The following UBE2G1 variants were observed in gnomAD, a reference collection of about 807,000 sequenced individuals.
The protein encoded by UBE2G1 is ubiquitin conjugating enzyme E2 G1, also known as ubiquitin-conjugating enzyme E2 G1.
Under a neutral mutation model 22.7 loss-of-function variants are expected in UBE2G1, and 5 were observed. The observed-to-expected ratio is 0.22, with a 90% CI of 0.12 to 0.46. UBE2G1 has a LOEUF of 0.46. Among genes scored for constraint, UBE2G1 ranks in the 20% least tolerant of loss-of-function variants. The pLI, the probability that UBE2G1 is intolerant of heterozygous loss-of-function variation, is 0.99. For synonymous variants in UBE2G1, 74 were observed against 67.5 expected (o/e 1.10, Z -0.47); for missense variants, 88 against 203.9 (o/e 0.43, Z 3.46).
At position 4,269,772 on chromosome 17, in the gene UBE2G1, C is replaced by G. The variant is rs1022038287; in HGVS notation, c.*2782G>C. The G allele has an allele frequency of 5.4e-6, 1 of 186,130 alleles. No individual in the cohort carries two copies. Among genetic ancestry groups the G allele is most frequent in the Non-Finnish European group, 1.1e-5 (1 of 88,688 alleles). The allele number at this position is 186,130 out of a possible 1,614,324, so 11.5% of individuals were successfully genotyped here. A position where few individuals can be genotyped will look rare whatever the true frequency, so the allele number is the denominator to read the frequency against. ...GAGAACTTGGAATAAATTTAGGAAACAGCCAACAGTTCTACAATCCATAAG... is the reference window on the plus strand; with the variant it reads ...GAGAACTTGGAATAAATTTAGGAAAGAGCCAACAGTTCTACAATCCATAAG... On this transcript the variant is annotated 3_prime_UTR_variant, in exon 6 of 6. Transcript: ENST00000396981.
intron 1 of UBE2G1, among the ~76,000 whole-genome samples, chr17:4,361,903 C>T (rs1969972874): frequency 7.0e-6 from 1 of 143,724 alleles, no homozygotes; most frequent in South Asian, 2.2e-4. Context: ...GATCGTGCCA[C>T]TGCATTCCAG....
chr17:4,353,091 G>A (rs1336638624), intron 1 of UBE2G1, among the ~76,000 whole-genome samples: 1 of 152,024 alleles, frequency 6.6e-6, no homozygotes, highest in East Asian at 1.9e-4. Context: ...GGTGGCGGGC[G>A]CCTGTAGTCC....
rs2143691137 is a variant in UBE2G1 at position 4,286,088 on chromosome 17, T to C, written c.426+3142A>G. Among the ~76,000 whole-genome samples, 4 of 151,506 alleles carry C rather than the reference T, an allele frequency of 2.6e-5. No homozygotes were observed. In the Middle Eastern group the frequency reaches 0.01, roughly 389 times the overall value. On this transcript the variant is annotated intron_variant, in intron 4 of 5. Transcript: ENST00000396981. ...TACTATGAAAATATGATCAAAGGTG[T>C]AATATGAGAGAAGAAAAAGCAAGTA...
At chr17:4,366,048 C>A (rs1247330947) in intron 1 of UBE2G1, among the ~76,000 whole-genome samples, 1 of 152,084 alleles carries the variant, frequency 6.6e-6, no homozygotes, top group African/African-American at 2.4e-5. Flanking sequence ...GGCGCCAGGC[C>A]CAGTCCCTGG....
chr17:4,327,325 C>T, intron 1 of UBE2G1, among the ~76,000 whole-genome samples: 1 of 150,982 alleles, frequency 6.6e-6, no homozygotes, highest in East Asian at 1.9e-4. Context: ...CAAAAATAGC[C>T]GTAGTGGCGT....
intron 1 of UBE2G1, among the ~76,000 whole-genome samples, chr17:4,344,266 C>T (rs976863432): frequency 1.3e-4 from 20 of 152,148 alleles, no homozygotes; most frequent in African/African-American, 3.4e-4. Flanking sequence ...CCCGGCCGGG[C>T]GCGGTGGCTC....
intron 1 of UBE2G1, among the ~76,000 whole-genome samples, chr17:4,357,119 T>C (rs1470114765): frequency 6.6e-6 from 1 of 152,042 alleles, no homozygotes; most frequent in Non-Finnish European, 1.5e-5. Context: ...TCTGAAAATA[T>C]TAAATGGAAA....
chr17:4,285,032 T>C (rs183971148), intron 4 of UBE2G1, among the ~76,000 whole-genome samples: 270 of 151,994 alleles, frequency 1.8e-3, no homozygotes, highest in Non-Finnish European at 3.1e-3. Context: ...TTTTTGTAGA[T>C]GGGGTTTTAC....
At chr17:4,336,989 G>A (rs1047707505) in intron 1 of UBE2G1, among the ~76,000 whole-genome samples, 1 of 152,088 alleles carries the variant, frequency 6.6e-6, no homozygotes, top group Non-Finnish European at 1.5e-5. Context: ...TATACAATCT[G>A]ACAATGAAAC....
intron 2 of UBE2G1, chr17:4,302,640 G>A (rs757135781): frequency 1.5e-5 from 5 of 334,668 alleles, no homozygotes; most frequent in Non-Finnish European, 3.0e-5. Flanking sequence ...CATGCCCAGG[G>A]TGAGAACCTA....
In UBE2G1 at chr17:4,328,930, C is replaced by CA. The variant is rs1261473566; in HGVS notation, c.47-21808dup. On this transcript the variant is annotated intron_variant, in intron 1 of 5. Transcript: ENST00000396981. ...TGAAACTCCGTCTCTACTAAAAATACAAAGAATTAGCCAAGGATACAAAAA... is the reference window on the plus strand; with the variant it reads ...TGAAACTCCGTCTCTACTAAAAATACAAAAGAATTAGCCAAGGATACAAAAA... 5.9e-5 allele frequency among the ~76,000 whole-genome samples: 9 copies of CA among 151,516 alleles called. No homozygotes were observed. The East Asian group carries it at 1.7e-3, about 29-fold the overall frequency.
chr17:4,283,415 G>A (rs1360893672), intron 4 of UBE2G1, among the ~76,000 whole-genome samples: 2 of 152,142 alleles, frequency 1.3e-5, no homozygotes, highest in South Asian at 2.1e-4. Context: ...CAGGAAAATC[G>A]CTTGAACTGG....
At chr17:4,337,634 C>T (rs1436153578) in intron 1 of UBE2G1, among the ~76,000 whole-genome samples, 3 of 137,114 alleles carry the variant, frequency 2.2e-5, no homozygotes, top group Admixed American at 7.5e-5. Context: ...GCCTGGGCAA[C>T]AAGAGCGAAA....
rs1342735167 is a variant in UBE2G1, at chr17:4,269,883, T to C, written c.*2671A>G. 2 of 154,832 alleles carry C rather than the reference T, an allele frequency of 1.3e-5. No individual in the cohort carries two copies. Among genetic ancestry groups the C allele is most frequent in the Non-Finnish European group, 2.9e-5 (2 of 69,460 alleles). The allele number at this position is 154,832 out of a possible 1,614,324, so 9.6% of individuals were successfully genotyped here. A position where few individuals can be genotyped will look rare whatever the true frequency, so the allele number is the denominator to read the frequency against. ...GCAGAGAGGAATCGCCTCACACTGA[T>C]GAGGCACTGGTGGGACAAAAGCCAC... On this transcript the variant is annotated 3_prime_UTR_variant, in exon 6 of 6. Transcript: ENST00000396981.
chr17:4,355,014 C>T (rs1401388167), intron 1 of UBE2G1, among the ~76,000 whole-genome samples: 1 of 151,848 alleles, frequency 6.6e-6, no homozygotes, highest in African/African-American at 2.4e-5. Context: ...ATTGCTTGAG[C>T]CGAGGAAGTG....
chr17:4,284,873 C>A (rs1361968421), intron 4 of UBE2G1, among the ~76,000 whole-genome samples: 1 of 112,204 alleles, frequency 8.9e-6, no homozygotes, highest in Non-Finnish European at 1.7e-5. Context: ...GAGATAGGGT[C>A]TCACTCTGTT....
At chr17:4,345,285 TC>T (rs1969756113) in intron 1 of UBE2G1, among the ~76,000 whole-genome samples, 1 of 152,190 alleles carries the variant, frequency 6.6e-6, no homozygotes, top group Non-Finnish European at 1.5e-5. Flanking sequence ...CCAAAGGTAA[TC>T]TAATAAATAA....
At chr17:4,277,289 C>A (rs1391017057) in intron 5 of UBE2G1, among the ~76,000 whole-genome samples, 1 of 152,182 alleles carries the variant, frequency 6.6e-6, no homozygotes, top group Non-Finnish European at 1.5e-5. Flanking sequence ...GTCAACCAAG[C>A]CACACCCAGA....
At chr17:4,312,638 A>G (rs542533384) in intron 1 of UBE2G1, among the ~76,000 whole-genome samples, 46 of 148,794 alleles carry the variant, frequency 3.1e-4, no homozygotes, top group South Asian at 1.5e-3. Context: ...GGAGCTTGCA[A>G]TGAGCCGAGA....
Sources: allele counts gnomAD v4.1 joint callset (sites outside exome capture counted in the v4.1 genomes callset), GRCh38; gene constraint gnomAD v4.1.1; transcripts MANE v1.5; gene names NCBI Gene and HGNC (gene_info 2026-07-23, HGNC 2026-07-21).